Variants in COPS9 observed in about 807,000 individuals in gnomAD.
COPS9 encodes COP9 signalosome complex subunit 9.
Under a neutral mutation model 7.2 loss-of-function variants are expected in COPS9, and 8 were observed. The observed-to-expected ratio is 1.11, with a 90% CI of 0.65 to 2.00. The LOEUF (loss-of-function observed/expected upper bound fraction) is 2.00. Among genes scored for constraint, COPS9 ranks in the 30% most tolerant of loss-of-function variants. COPS9 has a pLI of 0.00. For missense variants in COPS9, 74 were observed against 77.7 expected (o/e 0.95, Z 0.18); for synonymous variants, 39 against 28.7 (o/e 1.36, Z -1.14).
chr2:240,129,344 G>T (rs2071897292), downstream of COPS9, among the ~76,000 whole-genome samples: 1 of 152,060 alleles, frequency 6.6e-6, no homozygotes, highest in African/African-American at 2.4e-5. Flanking sequence ...TTTAATTTTT[G>T]TATAGAGAGG....
downstream of COPS9, chr2:240,126,731 A>AT (rs1156869709): frequency 6.2e-7 from 1 of 1,614,052 alleles, no homozygotes; most frequent in Admixed American, 1.7e-5. Context: ...GCACCTCTAG[A>AT]TAACTTCCCA....
chr2:240,126,727 C>A, downstream of COPS9: 1 of 1,614,224 alleles, frequency 6.2e-7, no homozygotes, highest in Non-Finnish European at 8.5e-7. Context: ...CTGAGCACCT[C>A]TAGATAACTT....
downstream of COPS9, among the ~76,000 whole-genome samples, chr2:240,128,803 G>A (rs901188696): frequency 3.3e-5 from 5 of 152,158 alleles, no homozygotes; most frequent in African/African-American, 1.2e-4. Flanking sequence ...ACGGAGATGA[G>A]GAAGAAAAAC....
At position 240,131,987 on chromosome 2, in the gene COPS9, A is replaced by C. The variant is rs537168240; in HGVS notation, c.137-899T>G. Among the ~76,000 whole-genome samples the C allele has an allele frequency of 9.9e-5, 15 of 152,246 alleles. No individual in the cohort carries two copies. In the South Asian group the frequency reaches 3.1e-3, roughly 32 times the overall value. On this transcript the variant is annotated intron_variant, in intron 2 of 2. Transcript: ENST00000607357. Reference sequence around the variant, plus strand: ...CAGAGGGTCCCGACGCTCCCCAGCCACACTGATGCACCCCCACGTCCTCAC... The same window carrying C: ...CAGAGGGTCCCGACGCTCCCCAGCCCCACTGATGCACCCCCACGTCCTCAC...
chr2:240,136,200 A>ACTCCCGCCGT (rs1264885956), intron 1 of COPS9, 22 bp downstream of exon 1: 1 of 1,470,868 alleles, frequency 6.8e-7, no homozygotes, highest in Non-Finnish European at 9.0e-7. Context: ...ACGCTCGGAG[A>ACTCCCGCCGT]CTCCCGCCGG....
In COPS9 at chr2:240,132,332, A is replaced by T. The variant is rs975682135; in HGVS notation, c.137-1244T>A. ...TCTGTTTGACGAGTAAAAAGGACTT[A>T]GCAAAAGCCTCATCCACAGCCCACA... On this transcript the variant is annotated intron_variant, in intron 2 of 2. Transcript: ENST00000607357. This position sits in a 1 kb window ranked among gnomAD's most constrained non-coding sequence, Gnocchi z 4.1. 1.3e-5 allele frequency among the ~76,000 whole-genome samples: 2 copies of T among 152,202 alleles called. No individual in the cohort carries two copies. The highest frequency in any genetic ancestry group is 4.8e-5 in the African/African-American group (2 of 41,444).
downstream of COPS9, chr2:240,129,902 A>T (rs2071903606): frequency 6.2e-7 from 1 of 1,612,306 alleles, no homozygotes. Flanking sequence ...ACAGAGATGC[A>T]CTTCTTACCT....
chr2:240,136,022 C>G (rs1315050814), intron 1 of COPS9, 200 bp downstream of exon 1: 1 of 880,784 alleles, frequency 1.1e-6, no homozygotes, highest in East Asian at 3.4e-5. Context: ...CACACGCTTC[C>G]CGCCGCGGTC....
chr2:240,127,028 C>T (rs1204922171), downstream of COPS9: 1 of 1,486,338 alleles, frequency 6.7e-7, no homozygotes, highest in East Asian at 2.3e-5. Context: ...ACAAGTCATT[C>T]TGTCCAGTGA....
chr2:240,135,604 T>C (rs1019809635), intron 1 of COPS9, among the ~76,000 whole-genome samples: 3 of 152,028 alleles, frequency 2.0e-5, no homozygotes, highest in East Asian at 1.9e-4. Context: ...GTGAACACAA[T>C]AGAGACCAAC....
rs145305437 is a variant in COPS9, at chr2:240,132,492, C to T, written c.137-1404G>A. Among the ~76,000 whole-genome samples, 150 of 152,234 alleles carry T rather than the reference C, an allele frequency of 9.9e-4. No individual in the cohort carries two copies. Among genetic ancestry groups the T allele is most frequent in the African/African-American group, 3.3e-3 (138 of 41,538 alleles). On this transcript the variant is annotated intron_variant, in intron 2 of 2. Transcript: ENST00000607357. The surrounding 1 kb of genome is among the most constrained non-coding windows in gnomAD (Gnocchi z 4.1). Reference sequence around the variant, plus strand: ...CTCCTGCGTCCCCTCCCTGACCGGCCGTGGCTCAAAGGCAGACACGCGCCC... The same window carrying T: ...CTCCTGCGTCCCCTCCCTGACCGGCTGTGGCTCAAAGGCAGACACGCGCCC...
downstream of COPS9, among the ~76,000 whole-genome samples, chr2:240,128,712 C>T (rs979728360): frequency 2.6e-5 from 4 of 152,144 alleles, no homozygotes; most frequent in African/African-American, 9.7e-5. Flanking sequence ...ACGGGAGTGA[C>T]CGTGGCTGGG....
chr2:240,131,232 C>CT (rs2071919176), intron 2 of COPS9, 144 bp from the exon 3 acceptor site: 3 of 1,014,996 alleles, frequency 3.0e-6, no homozygotes, highest in Non-Finnish European at 4.4e-6. Context: ...CCGTAACAGA[C>CT]TTTCAGTTTC....
downstream of COPS9, among the ~76,000 whole-genome samples, chr2:240,130,209 C>T (rs909445225): frequency 3.3e-5 from 5 of 152,184 alleles, no homozygotes; most frequent in East Asian, 1.9e-4. Context: ...TTCTCAGTAG[C>T]GGGGGCAGCA....
chr2:240,131,043 A>G lies in COPS9; in HGVS notation c.*8T>C. On this transcript the variant is annotated 3_prime_UTR_variant, in exon 3 of 3. Transcript: ENST00000607357. ...AGGGCTTGGCCCCGCCTGCAGCCAG[A>G]GGGCATCTCACTGGATGTCATCATC... The G allele has an allele frequency of 6.2e-7, 1 of 1,613,036 alleles. No individual in the cohort carries two copies. The highest frequency in any genetic ancestry group is 8.5e-7 in the Non-Finnish European group (1 of 1,179,702).
At chr2:240,129,919 A>T, downstream of COPS9, 1 of 1,613,834 alleles carries the variant, frequency 6.2e-7, no homozygotes, top group Non-Finnish European at 8.5e-7. Flanking sequence ...ACCTCTTCCG[A>T]CACCACAGGC....
intron 2 of COPS9, among the ~76,000 whole-genome samples, chr2:240,131,295 C>T (rs756868927): frequency 1.3e-5 from 2 of 152,212 alleles, no homozygotes; most frequent in Non-Finnish European, 2.9e-5. Flanking sequence ...GGCTAGAGTG[C>T]TTTCTAGCTT....
downstream of COPS9, among the ~76,000 whole-genome samples, chr2:240,127,534 C>T (rs977369872): frequency 2.0e-5 from 3 of 152,138 alleles, no homozygotes; most frequent in Non-Finnish European, 4.4e-5. Flanking sequence ...AAATTCACAT[C>T]GAATCCTCAC....
chr2:240,135,280 C>T (rs2071964525), intron 1 of COPS9, among the ~76,000 whole-genome samples: 1 of 152,162 alleles, frequency 6.6e-6, no homozygotes, highest in Admixed American at 6.5e-5. Context: ...ACCAATGTGT[C>T]CCCCAGCATT....
Sources: gnomAD v4.1 joint callset for allele counts (sites outside exome capture counted in the v4.1 genomes callset) on GRCh38, gnomAD v4.1.1 for gene constraint, Gnocchi (gnomAD v3.1) non-coding constraint, MANE v1.5 for transcripts, NCBI Gene and HGNC (gene_info 2026-07-23, HGNC 2026-07-21) for gene names.